The following PARP15 variants were observed in gnomAD, a reference collection of about 807,000 sequenced individuals.
PARP15 encodes the protein protein mono-ADP-ribosyltransferase PARP15.
A neutral mutation model predicts 62.1 loss-of-function variants in PARP15; 50 were observed. The observed-to-expected ratio is 0.81, with a 90% CI of 0.64 to 1.02. The LOEUF is 1.02. Ranked by LOEUF, PARP15 falls within the 50% of genes least tolerant of loss-of-function variation. The pLI is 0.00. For synonymous variants in PARP15, 309 were observed against 293.1 expected (o/e 1.05, Z -0.55); for missense variants, 820 against 826.5 (o/e 0.99, Z 0.10).
chr3:122,635,741 A>C lies in PARP15; in HGVS notation c.1748-70A>C. The C allele has an allele frequency of 2.7e-6, 4 of 1,498,960 alleles. No individual in the cohort carries two copies. In the South Asian group the frequency reaches 3.9e-5, roughly 15 times the overall value. The allele number at this position is 1,498,960 out of a possible 1,614,324, so 92.9% of individuals were successfully genotyped here. Reference sequence around the variant, plus strand: ...ACTGCATTTAGAAAACAATTTTGTCAGATTGGGCATGGTTCTACACATTGT... The same window carrying C: ...ACTGCATTTAGAAAACAATTTTGTCCGATTGGGCATGGTTCTACACATTGT... On this transcript the variant is annotated intron_variant, in intron 11 of 11. Transcript: ENST00000464300.
chr3:122,626,430 C>A (rs1233085553), intron 8 of PARP15, among the ~76,000 whole-genome samples: 4 of 152,048 alleles, frequency 2.6e-5, no homozygotes, highest in South Asian at 2.1e-4. Flanking sequence ...AATCTCCTGA[C>A]CTCGTGATCC....
rs758385054 is a variant in PARP15, at chr3:122,636,047, G to T, written c.1984G>T (p.Val662Leu). Reference protein sequence around the residue: ...NNTRSPKLFVVFFDNQAYPEY... With the variant: ...NNTRSPKLFVLFFDNQAYPEY... ...TACACGATCTCCAAAGCTATTTGTG[G>T]TATTCTTTGATAATCAGGCTTACCC... The change falls in exon 12 of 12, where the codon GTA becomes TTA. Residue 662 changes from valine to leucine, a missense_variant. Around this residue, in one of 3 missense-constraint regions of PARP15, gnomAD observed 84 missense variants for 79.7 expected, o/e 1.05. Transcript: ENST00000464300. The T allele has an allele frequency of 7.4e-6, 12 of 1,613,920 alleles. No individual in the cohort carries two copies. Among genetic ancestry groups the T allele is most frequent in the South Asian group, 2.2e-5 (2 of 91,056 alleles).
At chr3:122,624,299 G>C (rs1258975744) in intron 8 of PARP15, among the ~76,000 whole-genome samples, 2 of 152,180 alleles carry the variant, frequency 1.3e-5, no homozygotes, top group East Asian at 3.8e-4. Flanking sequence ...AGTCCTTACT[G>C]TACGTTCTAG....
intron 1 of PARP15, among the ~76,000 whole-genome samples, chr3:122,582,100 G>C (rs1001340415): frequency 6.6e-5 from 10 of 151,962 alleles, no homozygotes; most frequent in African/African-American, 2.4e-4. Context: ...TTATAGCACT[G>C]GTCTACTGGT....
chr3:122,627,387 A>C (rs1436112541), intron 9 of PARP15, among the ~76,000 whole-genome samples: 1 of 152,194 alleles, frequency 6.6e-6, no homozygotes, highest in Non-Finnish European at 1.5e-5. Context: ...TAGCTGATTA[A>C]TATTGGTCTG....
Position 122,613,182 on chromosome 3 carries a change from G to C in PARP15, c.685G>C (p.Glu229Gln). Residue 229 changes from glutamate (E) to glutamine (Q), a missense_variant, in exon 4 of 12, where the codon GAA (glutamate) becomes CAA (glutamine). By Grantham distance (29) the Glu-to-Gln change is conservative. Transcript: ENST00000464300. ...FAKLILSEVF[E>Q]YSSSTRPITS... ...TAAACTAATCCTTTCAGAAGTGTTC[G>C]AATACAGTAGCAGCACAAGGCCGAT... is the stretch of plus-strand genomic sequence containing the variant. 1 of 1,551,702 alleles carries C rather than the reference G, an allele frequency of 6.4e-7. No homozygotes were observed. The highest frequency in any genetic ancestry group is 8.7e-7 in the Non-Finnish European group (1 of 1,146,930).
intron 1 of PARP15, among the ~76,000 whole-genome samples, chr3:122,583,027 C>T (rs1226114699): frequency 5.3e-5 from 8 of 151,058 alleles, no homozygotes; most frequent in South Asian, 2.1e-4. Flanking sequence ...TAAGTATGCC[C>T]GTGTTTTCCT....
rs1381683614 is a variant in PARP15, at chr3:122,637,048, G to T, written c.*948G>T. Reference sequence around the variant, plus strand: ...GCACCATCTTTTCCACGAGTATCCTGTTGATTATTTTGATCAGCTTGTTCA... The same window carrying T: ...GCACCATCTTTTCCACGAGTATCCTTTTGATTATTTTGATCAGCTTGTTCA... On this transcript the variant is annotated 3_prime_UTR_variant, in exon 12 of 12. Coordinates refer to ENST00000464300, the MANE Select transcript of PARP15 (RefSeq NM_001113523.3). 1 of 152,212 alleles carries T rather than the reference G, an allele frequency of 6.6e-6. No individual in the cohort carries two copies. The highest frequency in any genetic ancestry group is 2.4e-5 in the African/African-American group (1 of 41,414). The allele number at this position is 152,212 out of a possible 1,614,324, so 9.4% of individuals were successfully genotyped here.
At chr3:122,633,879 G>A (rs1382114443) in intron 10 of PARP15, among the ~76,000 whole-genome samples, 3 of 152,148 alleles carry the variant, frequency 2.0e-5, no homozygotes, top group South Asian at 2.1e-4. Flanking sequence ...CTTTGGATTA[G>A]TCCCATAACC....
chr3:122,612,753 T>A (rs1199675393), intron 3 of PARP15, among the ~76,000 whole-genome samples: 4 of 152,046 alleles, frequency 2.6e-5, no homozygotes, highest in Non-Finnish European at 5.9e-5. Flanking sequence ...TAACTTAACA[T>A]AAATACTGCA....
In PARP15 at chr3:122,635,036, A is replaced by G. The variant is rs1937267730; in HGVS notation, c.1589A>G (p.Asn530Ser). The G allele has an allele frequency of 6.2e-7, 1 of 1,614,028 alleles. No individual in the cohort carries two copies. Among genetic ancestry groups the G allele is most frequent in the African/African-American group, 1.3e-5 (1 of 75,054 alleles). Residue 530 changes from asparagine to serine, a missense_variant, in exon 11 of 12, where the codon AAT (asparagine) becomes AGT (serine). Physicochemically the swap from Asn to Ser is conservative, Grantham distance 46 (BLOSUM62 1). Coordinates refer to ENST00000464300, the MANE Select transcript of PARP15 (RefSeq NM_001113523.3). The part of the protein sequence containing the change: ...YAIEKIERIQ[N>S]AFLWQSYQVK... Reference sequence around the variant, plus strand: ...TACCTGCAGATTGAGAGGATACAGAATGCATTTCTCTGGCAGAGCTACCAG... The same window carrying G: ...TACCTGCAGATTGAGAGGATACAGAGTGCATTTCTCTGGCAGAGCTACCAG...
intron 1 of PARP15, chr3:122,594,910 G>T: frequency 1.6e-5 from 15 of 954,360 alleles, no homozygotes; most frequent in Non-Finnish European, 1.9e-5. Context: ...CCCAAAAATG[G>T]AAGAGAAAGA....
At chr3:122,596,766 T>C (rs1934388067) in intron 1 of PARP15, among the ~76,000 whole-genome samples, 1 of 152,230 alleles carries the variant, frequency 6.6e-6, no homozygotes, top group Admixed American at 6.5e-5. Context: ...CTCACCTGCA[T>C]GTCCCTTCCC....
At chr3:122,595,174 T>C (rs1934233871) in intron 1 of PARP15, among the ~76,000 whole-genome samples, 2 of 152,194 alleles carry the variant, frequency 1.3e-5, no homozygotes. Flanking sequence ...GAATTGTTTT[T>C]TTTTTCGCAG....
At chr3:122,621,671 C>G in intron 8 of PARP15, 60 bp downstream of exon 8, 1 of 1,458,214 alleles carries the variant, frequency 6.9e-7, no homozygotes, top group Non-Finnish European at 9.3e-7. Context: ...TAGAATTAGT[C>G]TCACTCTTAA....
At chr3:122,634,450 T>A (rs1053590750) in intron 10 of PARP15, among the ~76,000 whole-genome samples, 5 of 152,166 alleles carry the variant, frequency 3.3e-5, no homozygotes, top group Non-Finnish European at 7.4e-5. Flanking sequence ...GAGGGTGATA[T>A]TTTGAAAAGA....
chr3:122,623,017 T>G (rs150093559), intron 8 of PARP15, among the ~76,000 whole-genome samples: 105 of 152,322 alleles, frequency 6.9e-4, no homozygotes, highest in Non-Finnish European at 1.2e-3. Flanking sequence ...CCCTCTCGTA[T>G]GAACCCCAGG....
In PARP15 at chr3:122,605,989, A is replaced by C; in HGVS notation, c.240A>C (p.Val80=). 6.4e-7 allele frequency: 1 copy of C among 1,551,970 alleles called. No homozygotes were observed. The highest frequency in any genetic ancestry group is 2.4e-5 in the East Asian group (1 of 40,932). ...KKDCLSIRNV[V]ASIQTKEGLN... ...ATTGTCTTTCAATCAGGAATGTTGTAGCTTCAATCCAAACCAAAGAAGGTC... is the reference window on the plus strand; with the variant it reads ...ATTGTCTTTCAATCAGGAATGTTGTCGCTTCAATCCAAACCAAAGAAGGTC... The change falls in exon 2 of 12, where the codon GTA becomes GTC. Residue 80 remains valine (V), a synonymous_variant. Coordinates refer to ENST00000464300, the MANE Select transcript of PARP15 (RefSeq NM_001113523.3).
Position 122,617,162 on chromosome 3 carries a change from C to G in PARP15, c.998C>G (p.Ser333Ter). 2 of 1,610,918 alleles carry G rather than the reference C, an allele frequency of 1.2e-6. No homozygotes were observed. Among genetic ancestry groups the G allele is most frequent in the Non-Finnish European group, 1.7e-6 (2 of 1,177,872 alleles). The change falls in exon 6 of 12, where the codon TCA (serine) becomes TGA (stop). Residue 333 changes from serine (S) to a stop codon, truncating the protein, a stop_gained and splice_region_variant. Transcript: ENST00000464300. LOFTEE classifies it high-confidence loss of function. ...NSTARTFNRK[S>*]GVSRAILEGA... ...ACAGCAAGGACATTTAATCGGAAAT[C>G]AGGTACTTTATTTAAGCAATATATT...
Sources: gnomAD v4.1 joint callset for allele counts (sites outside exome capture counted in the v4.1 genomes callset) on GRCh38, gnomAD v4.1.1 for gene constraint, gnomAD v4.1.1 regional missense constraint, MANE v1.5 for transcripts, NCBI Gene and HGNC (gene_info 2026-07-23, HGNC 2026-07-21) for gene names.